MARCHF7: variants seen among roughly 807,000 people sequenced by gnomAD.
MARCHF7 encodes E3 ubiquitin-protein ligase MARCHF7.
In MARCHF7, 20 loss-of-function variants were observed where a neutral mutation model predicts 76.5. The observed-to-expected ratio is 0.26, with a 90% CI of 0.18 to 0.38. The LOEUF (loss-of-function observed/expected upper bound fraction) is 0.38. MARCHF7 is among the 10% of genes least tolerant of loss of function. The pLI, the probability that MARCHF7 is intolerant of heterozygous loss-of-function variation, is 1.00. For synonymous variants in MARCHF7, 295 were observed against 293.0 expected, an observed-to-expected ratio of 1.01 and a Z score of -0.07; for missense variants, 797 against 812.9, an observed-to-expected ratio of 0.98 and a Z score of 0.24.
At chr2:159,744,252 C>T (rs561206348) in intron 5 of MARCHF7, among the ~76,000 whole-genome samples, 46 of 151,906 alleles carry the variant, frequency 3.0e-4, no homozygotes, top group East Asian at 1.8e-3. Context: ...CCTCCCAAAG[C>T]GCTGGGATTA....
At position 159,736,850 on chromosome 2, in the gene MARCHF7, G is replaced by C. The variant is rs187423657; in HGVS notation, c.154-6211G>C. ...TCTATAGCTATTAAGTCTCCAAGCTGTCTTATTGATGATTTCTCAGATACA... is the reference window on the plus strand; with the variant it reads ...TCTATAGCTATTAAGTCTCCAAGCTCTCTTATTGATGATTTCTCAGATACA... On this transcript the variant is annotated intron_variant, in intron 4 of 11. Coordinates refer to ENST00000409175, the MANE Select transcript of MARCHF7 (RefSeq NM_001282805.2). 1.8e-3 allele frequency among the ~76,000 whole-genome samples: 269 copies of C among 152,320 alleles called. 1 individual carries two copies. Among genetic ancestry groups the C allele is most frequent in the African/African-American group, 5.6e-3 (232 of 41,564 alleles).
chr2:159,715,506 C>CTT (rs1434237522), intron 2 of MARCHF7, among the ~76,000 whole-genome samples, 175 bp from the exon 3 acceptor site: 3 of 152,056 alleles, frequency 2.0e-5, no homozygotes, highest in Non-Finnish European at 4.4e-5. Flanking sequence ...GCCACCATGT[C>CTT]TGACTAATTT....
intron 8 of MARCHF7, among the ~76,000 whole-genome samples, chr2:159,754,580 G>T (rs1167849861): frequency 6.6e-6 from 1 of 152,094 alleles, no homozygotes; most frequent in Non-Finnish European, 1.5e-5. Context: ...ATCACAAGAA[G>T]TGTTTTTGTT....
Position 159,748,417 on chromosome 2 carries a change from A to G in MARCHF7, c.1127A>G (p.Glu376Gly), listed in dbSNP as rs755335648. ...TCAGATTCAGAAAATTTTAACCAAGAATCTGAAGGTAGAAATACAGGACCA... is the reference window on the plus strand; with the variant it reads ...TCAGATTCAGAAAATTTTAACCAAGGATCTGAAGGTAGAAATACAGGACCA... ...SESDSENFNQ[E>G]SEGRNTGPWL... The change falls in exon 7 of 12, where the codon GAA becomes GGA. Residue 376 changes from glutamate (E) to glycine (G), a missense_variant. Around this residue, in one of 3 missense-constraint regions of MARCHF7, gnomAD observed 643 missense variants for 631.5 expected, o/e 1.02. Transcript: ENST00000409175. 3.8e-5 allele frequency: 61 copies of G among 1,613,954 alleles called. No individual in the cohort carries two copies. Among genetic ancestry groups the G allele is most frequent in the Non-Finnish European group, 4.4e-5 (52 of 1,180,026 alleles).
chr2:159,760,939 T>C (rs537295278), intron 9 of MARCHF7, among the ~76,000 whole-genome samples: 1 of 152,274 alleles, frequency 6.6e-6, no homozygotes, highest in African/African-American at 2.4e-5. Context: ...AGTGGCCTGA[T>C]AGCTACACTG....
intron 3 of MARCHF7, among the ~76,000 whole-genome samples, chr2:159,721,595 G>C (rs991745675): frequency 6.6e-6 from 1 of 152,122 alleles, no homozygotes; most frequent in Non-Finnish European, 1.5e-5. Context: ...AATACCAATC[G>C]TACGATTTTT....
chr2:159,722,312 A>G (rs2125326657), intron 3 of MARCHF7, among the ~76,000 whole-genome samples: 1 of 152,002 alleles, frequency 6.6e-6, no homozygotes, highest in East Asian at 1.9e-4. Context: ...TAATTTTTGT[A>G]TTTATAGTAG....
intron 8 of MARCHF7, among the ~76,000 whole-genome samples, chr2:159,754,171 G>T (rs533850607): frequency 5.9e-5 from 9 of 152,274 alleles, no homozygotes; most frequent in African/African-American, 2.2e-4. Context: ...GTCAGCTAGA[G>T]GAAGAGCAGA....
At chr2:159,755,260 C>T (rs1706151058) in intron 8 of MARCHF7, among the ~76,000 whole-genome samples, 1 of 151,724 alleles carries the variant, frequency 6.6e-6, no homozygotes, top group South Asian at 2.1e-4. Flanking sequence ...AGGGGTAGTG[C>T]AGCAAATTGT....
chr2:159,758,876 G>A (rs1014885055), intron 8 of MARCHF7, among the ~76,000 whole-genome samples: 2 of 152,152 alleles, frequency 1.3e-5, no homozygotes, highest in Non-Finnish European at 2.9e-5. Context: ...TGTTTTCATG[G>A]CATCACGTCA....
At chr2:159,764,303 G>GGTTTTTT (rs1171076646) in intron 10 of MARCHF7, among the ~76,000 whole-genome samples, 2 of 150,192 alleles carry the variant, frequency 1.3e-5, no homozygotes, top group Admixed American at 6.6e-5. Flanking sequence ...ATACAAGGGT[G>GGTTTTTT]GTTTTTTGTT....
intron 8 of MARCHF7, among the ~76,000 whole-genome samples, chr2:159,753,215 G>A (rs1187575654): frequency 1.3e-5 from 2 of 152,152 alleles, no homozygotes; most frequent in Non-Finnish European, 2.9e-5. Flanking sequence ...GTCTATTTGA[G>A]GAGCTGAATT....
intron 3 of MARCHF7, among the ~76,000 whole-genome samples, chr2:159,726,483 T>C (rs1702189523): frequency 1.3e-5 from 2 of 151,644 alleles, no homozygotes; most frequent in Non-Finnish European, 2.9e-5. Flanking sequence ...AGGATGGTCT[T>C]GATCTCCTGA....
At chr2:159,760,287 C>T (rs887834565) in intron 9 of MARCHF7, among the ~76,000 whole-genome samples, 1 of 151,914 alleles carries the variant, frequency 6.6e-6, no homozygotes, top group African/African-American at 2.4e-5. Flanking sequence ...AACTATGTAC[C>T]CTTCTTATAA....
intron 6 of MARCHF7, among the ~76,000 whole-genome samples, chr2:159,747,496 T>C (rs1432515390): frequency 1.3e-5 from 2 of 152,198 alleles, no homozygotes; most frequent in Admixed American, 1.3e-4. Context: ...TATTGTATCA[T>C]ACCAAATAAT....
At chr2:159,738,714 A>G (rs13384954) in intron 4 of MARCHF7, among the ~76,000 whole-genome samples, 6,301 of 152,210 alleles carry the variant, frequency 0.041, 417 homozygotes, top group African/African-American at 0.14. Flanking sequence ...TGATTGGTCC[A>G]TGGGAGGCAA....
intron 3 of MARCHF7, among the ~76,000 whole-genome samples, chr2:159,725,962 A>G (rs1008479604): frequency 1.3e-5 from 2 of 152,188 alleles, no homozygotes; most frequent in African/African-American, 4.8e-5. Flanking sequence ...TAGTCTCCTG[A>G]CAGCATTGTA....
chr2:159,726,558 G>A (rs566088914), intron 3 of MARCHF7, among the ~76,000 whole-genome samples: 5 of 151,964 alleles, frequency 3.3e-5, no homozygotes, highest in Admixed American at 2.0e-4. Flanking sequence ...CACCGCCCCC[G>A]GCCAGATACA....
intron 1 of MARCHF7, among the ~76,000 whole-genome samples, chr2:159,713,911 T>G (rs1218629014): frequency 1.3e-5 from 2 of 152,186 alleles, no homozygotes; most frequent in Admixed American, 6.5e-5. Flanking sequence ...GACATAATAC[T>G]AGTCTTGGTT....
Sources: allele counts gnomAD v4.1 joint callset (sites outside exome capture counted in the v4.1 genomes callset), GRCh38; gene constraint gnomAD v4.1.1; regional missense constraint gnomAD v4.1.1; transcripts MANE v1.5; gene names NCBI Gene and HGNC (gene_info 2026-07-23, HGNC 2026-07-21).